Variants in ALDH1L1 observed in about 807,000 individuals in gnomAD.
ALDH1L1 encodes aldehyde dehydrogenase 1 family member L1, also known as cytosolic 10-formyltetrahydrofolate dehydrogenase.
A neutral mutation model predicts 101.1 loss-of-function variants in ALDH1L1; 68 were observed. That is an observed-to-expected ratio of 0.67 (90% CI 0.55 to 0.82). The LOEUF (loss-of-function observed/expected upper bound fraction) is 0.82. ALDH1L1 is among the 40% of genes least tolerant of loss of function. The pLI, the probability that ALDH1L1 is intolerant of heterozygous loss-of-function variation, is 0.00. For synonymous variants in ALDH1L1, 486 were observed against 470.8 expected, an observed-to-expected ratio of 1.03 and a Z score of -0.42; for missense variants, 1,087 against 1,172.7, an observed-to-expected ratio of 0.93 and a Z score of 1.07.
intron 18 of ALDH1L1, 71 bp from the exon 19 acceptor site, chr3:126,112,951 C>T: frequency 7.1e-7 from 1 of 1,412,918 alleles, no homozygotes; most frequent in Non-Finnish European, 9.9e-7. Flanking sequence ...CTGCCAGGGC[C>T]CAGCCGCCTC....
chr3:126,133,043 C>T (rs2080347605), intron 12 of ALDH1L1, among the ~76,000 whole-genome samples: 1 of 152,224 alleles, frequency 6.6e-6, no homozygotes, highest in South Asian at 2.1e-4. Flanking sequence ...ACTAGGCTCC[C>T]CAGCTGCGAA....
At chr3:126,186,437 C>T (rs2081518669), upstream of ALDH1L1, among the ~76,000 whole-genome samples, 1 of 152,130 alleles carries the variant, frequency 6.6e-6, no homozygotes, top group African/African-American at 2.4e-5. Flanking sequence ...TTGGGGAGCA[C>T]AGGATGGTGC....
rs763283257 is a variant in ALDH1L1 at position 126,136,811 on chromosome 3, C to T, written c.1297G>A (p.Ala433Thr). The T allele has an allele frequency of 6.2e-7, 1 of 1,602,970 alleles. No individual in the cohort carries two copies. Among genetic ancestry groups the T allele is most frequent in the Non-Finnish European group, 8.5e-7 (1 of 1,174,714 alleles). Residue 433 changes from alanine (A) to threonine (T), a missense_variant, in exon 11 of 23, where the codon GCC becomes ACC. Physicochemically the swap from Ala to Thr is moderately conservative, Grantham distance 58 (BLOSUM62 0). Transcript: ENST00000393434. ...GTCTCAGAGGTCTTGGCGCCCTCGG[C>T]ATCCACGAACTCCCCCCCAATGAAG... ...QLFIGGEFVD[A>T]EGAKTSETIN...
At position 126,110,097 on chromosome 3, in the gene ALDH1L1, G is replaced by C; in HGVS notation, c.2194C>G (p.Arg732Gly). The C allele has an allele frequency of 6.2e-7, 1 of 1,614,104 alleles. No individual in the cohort carries two copies. The highest frequency in any genetic ancestry group is 8.5e-7 in the Non-Finnish European group (1 of 1,180,000). ...AGCGGGTTGCCCACCTTCATCTTCC[G>C]CACCTCTTCTACCTGCAGAAAGTCC... is the stretch of plus-strand genomic sequence containing the variant. Reference protein sequence around the residue: ...EFVRRVVEEVRKMKVGNPLDR... With the variant: ...EFVRRVVEEVGKMKVGNPLDR... Residue 732 changes from arginine (R) to glycine (G), a missense_variant, in exon 20 of 23, where the codon CGG (arginine) becomes GGG (glycine). Transcript: ENST00000393434.
chr3:126,146,299 T>C (rs2080677344), intron 9 of ALDH1L1, among the ~76,000 whole-genome samples: 1 of 151,606 alleles, frequency 6.6e-6, no homozygotes, highest in African/African-American at 2.4e-5. Context: ...GGGCTCCCGC[T>C]CTCCCTCCTG....
intron 1 of ALDH1L1, 109 bp downstream of exon 1, chr3:126,180,367 T>G: frequency 2.4e-6 from 2 of 842,544 alleles, no homozygotes; most frequent in Non-Finnish European, 2.9e-6. Context: ...GCCCTTGCGG[T>G]GAGAACCGAG....
At chr3:126,128,828 GT>G (rs1447841647) in intron 14 of ALDH1L1, 1 of 150,332 alleles carries the variant, frequency 6.7e-6, no homozygotes, top group African/African-American at 2.5e-5. Flanking sequence ...TCTGATGGGG[GT>G]GGACACCCCC....
intron 16 of ALDH1L1, among the ~76,000 whole-genome samples, chr3:126,123,243 G>C (rs958413713): frequency 5.7e-4 from 84 of 147,030 alleles, no homozygotes; most frequent in Non-Finnish European, 1.0e-3. Flanking sequence ...AAGGTGTGAG[G>C]TATCACCAAA....
At chr3:126,132,970 T>A (rs1483041509) in intron 12 of ALDH1L1, among the ~76,000 whole-genome samples, 1 of 152,158 alleles carries the variant, frequency 6.6e-6, no homozygotes, top group Non-Finnish European at 1.5e-5. Flanking sequence ...CGTAAATCGG[T>A]TCCTGAGAAA....
At chr3:126,159,245 CA>C (rs1373434634) in intron 2 of ALDH1L1, 30 of 366,554 alleles carry the variant, frequency 8.2e-5, no homozygotes, top group South Asian at 3.1e-4. Context: ...CACACACACA[CA>C]CCCCAGAGGA....
chr3:126,109,805 C>T, intron 20 of ALDH1L1, 139 bp downstream of exon 20: 1 of 1,251,106 alleles, frequency 8.0e-7, no homozygotes, highest in Non-Finnish European at 1.1e-6. Context: ...CAGTCCATCC[C>T]AGGTCCCAGA....
At chr3:126,125,394 C>T (rs187870025) in intron 15 of ALDH1L1, among the ~76,000 whole-genome samples, 2 of 152,340 alleles carry the variant, frequency 1.3e-5, no homozygotes, top group African/African-American at 4.8e-5. Context: ...CAGATGGCCT[C>T]AAGCAGCCAT....
chr3:126,191,068 A>G (rs941063634), intron 1 of ALDH1L1, among the ~76,000 whole-genome samples: 1 of 152,190 alleles, frequency 6.6e-6, no homozygotes, highest in East Asian at 1.9e-4. Context: ...CCTTGGGATT[A>G]GCTAATGGAG....
chr3:126,166,429 G>C (rs1018933578), intron 1 of ALDH1L1, among the ~76,000 whole-genome samples: 1 of 152,070 alleles, frequency 6.6e-6, no homozygotes, highest in Non-Finnish European at 1.5e-5. Flanking sequence ...TAATAAAAAA[G>C]AGTGCTCAGC....
intron 3 of ALDH1L1, 82 bp from the exon 4 acceptor site, chr3:126,157,590 A>C: frequency 1.4e-6 from 2 of 1,473,746 alleles, no homozygotes; most frequent in Non-Finnish European, 1.8e-6. Flanking sequence ...TGGACCTGCC[A>C]CCCTCCAGGA....
At chr3:126,111,448 TG>T (rs1205861110) in intron 19 of ALDH1L1, among the ~76,000 whole-genome samples, 1 of 152,232 alleles carries the variant, frequency 6.6e-6, no homozygotes, top group African/African-American at 2.4e-5. Flanking sequence ...TGCAGATGTT[TG>T]GGCAAGCTCT....
intron 14 of ALDH1L1, 25 bp downstream of exon 14, chr3:126,130,198 C>A (rs1338018802): frequency 6.3e-7 from 1 of 1,590,046 alleles, no homozygotes; most frequent in Non-Finnish European, 8.6e-7. Context: ...CGCGAGGCTG[C>A]ACCTCGCCCT....
intron 8 of ALDH1L1, 130 bp from the exon 9 acceptor site, chr3:126,147,056 G>A: frequency 1.2e-6 from 1 of 806,962 alleles, no homozygotes; most frequent in Non-Finnish European, 1.9e-6. Flanking sequence ...GTACCTCCAA[G>A]TTGTTGCCTC....
At chr3:126,195,959 T>C (rs1314390646) in intron 1 of ALDH1L1, among the ~76,000 whole-genome samples, 14 of 152,024 alleles carry the variant, frequency 9.2e-5, no homozygotes, top group Non-Finnish European at 4.4e-5. Flanking sequence ...CCGGGGCCTG[T>C]CATGGGGTGG....
Sources: gnomAD v4.1 joint callset for allele counts (sites outside exome capture counted in the v4.1 genomes callset) on GRCh38, gnomAD v4.1.1 for gene constraint, MANE v1.5 for transcripts, NCBI Gene and HGNC (gene_info 2026-07-23, HGNC 2026-07-21) for gene names.